The following GRM3 variants were observed in gnomAD, a reference collection of about 807,000 sequenced individuals.
GRM3 encodes metabotropic glutamate receptor 3.
Under a neutral mutation model 70.5 loss-of-function variants are expected in GRM3, and 26 were observed. That is an observed-to-expected ratio of 0.37 (90% confidence interval 0.27 to 0.51). The LOEUF (loss-of-function observed/expected upper bound fraction) is 0.51. Among genes scored for constraint, GRM3 ranks in the 20% least tolerant of loss-of-function variants. The pLI, the probability that GRM3 is intolerant of heterozygous loss-of-function variation, is 0.93. For missense variants in GRM3, 859 were observed against 1,123.8 expected (o/e 0.76, Z 3.37); for synonymous variants, 443 against 434.9 (o/e 1.02, Z -0.23).
chr7:86,712,938 T>A (rs1363385467), intron 1 of GRM3, among the ~76,000 whole-genome samples: 1 of 152,102 alleles, frequency 6.6e-6, no homozygotes, highest in Non-Finnish European at 1.5e-5. Flanking sequence ...GCAATAAACA[T>A]AAAAATGCAG....
At chr7:86,797,681 A>C (rs1420453039) in intron 3 of GRM3, among the ~76,000 whole-genome samples, 1 of 152,266 alleles carries the variant, frequency 6.6e-6, no homozygotes, top group African/African-American at 2.4e-5. Flanking sequence ...AGCTGGCTGC[A>C]TAAATCTGCA....
At chr7:86,728,160 C>G (rs968468748) in intron 1 of GRM3, among the ~76,000 whole-genome samples, 1 of 152,132 alleles carries the variant, frequency 6.6e-6, no homozygotes, top group African/African-American at 2.4e-5. Flanking sequence ...AGCTCCATGC[C>G]TGTCTCCCCC....
intron 1 of GRM3, among the ~76,000 whole-genome samples, chr7:86,761,366 A>T (rs1796476419): frequency 5.3e-5 from 8 of 152,118 alleles, no homozygotes; most frequent in Admixed American, 4.6e-4. Flanking sequence ...TGCCAGTCTC[A>T]GTTGCAATAT....
intron 2 of GRM3, among the ~76,000 whole-genome samples, chr7:86,781,791 G>C (rs935973747): frequency 6.6e-6 from 1 of 151,978 alleles, no homozygotes; most frequent in African/African-American, 2.4e-5. Context: ...TATAAATATA[G>C]AAATATAAGA....
At chr7:86,841,992 C>T (rs1383233052) in intron 4 of GRM3, among the ~76,000 whole-genome samples, 1 of 152,078 alleles carries the variant, frequency 6.6e-6, no homozygotes, top group African/African-American at 2.4e-5. Flanking sequence ...AATGCCAATC[C>T]TAAGTTTACA....
At chr7:86,788,680 G>A (rs1013652414) in intron 3 of GRM3, among the ~76,000 whole-genome samples, 1 of 152,250 alleles carries the variant, frequency 6.6e-6, no homozygotes, top group South Asian at 2.1e-4. Context: ...AGTAAAAAAA[G>A]AATATCTTTA....
chr7:86,755,428 GA>G (rs1443682192), intron 1 of GRM3, among the ~76,000 whole-genome samples: 2 of 152,120 alleles, frequency 1.3e-5, no homozygotes, highest in African/African-American at 4.8e-5. Flanking sequence ...TACTGTGCCA[GA>G]ATCTAACCCT....
intron 1 of GRM3, among the ~76,000 whole-genome samples, chr7:86,710,490 T>C (rs961295878): frequency 1.1e-4 from 17 of 148,224 alleles, no homozygotes; most frequent in African/African-American, 4.3e-4. Context: ...ATAAAATAAC[T>C]ATAGAAGACT....
chr7:86,685,048 A>G (rs963051380), intron 1 of GRM3, among the ~76,000 whole-genome samples: 1 of 152,206 alleles, frequency 6.6e-6, no homozygotes, highest in Non-Finnish European at 1.5e-5. Context: ...TTGTTTTCTT[A>G]TAGATTGAAA....
At chr7:86,745,588 T>A (rs1034795383) in intron 1 of GRM3, among the ~76,000 whole-genome samples, 2 of 152,120 alleles carry the variant, frequency 1.3e-5, no homozygotes, top group African/African-American at 4.8e-5. Context: ...TGTGAATGAC[T>A]TCCTGCAGAG....
At chr7:86,750,175 C>T (rs1011962922) in intron 1 of GRM3, among the ~76,000 whole-genome samples, 16 of 151,998 alleles carry the variant, frequency 1.1e-4, no homozygotes, top group African/African-American at 3.9e-4. Context: ...TATTGCACAC[C>T]TAATATATGC....
At chr7:86,736,119 A>G (rs1795851337) in intron 1 of GRM3, among the ~76,000 whole-genome samples, 1 of 152,208 alleles carries the variant, frequency 6.6e-6, no homozygotes, top group African/African-American at 2.4e-5. Flanking sequence ...ATGTACTAAT[A>G]TATACAGAAA....
intron 2 of GRM3, among the ~76,000 whole-genome samples, chr7:86,782,653 C>A (rs1335898603): frequency 6.6e-6 from 1 of 152,274 alleles, no homozygotes; most frequent in East Asian, 1.9e-4. Context: ...TATATGGGGA[C>A]GCCCCCAACA....
At chr7:86,764,503 C>A (rs1049905033) in intron 1 of GRM3, among the ~76,000 whole-genome samples, 1 of 151,982 alleles carries the variant, frequency 6.6e-6, no homozygotes, top group Admixed American at 6.6e-5. Flanking sequence ...GACAGAGATG[C>A]AGTGGTAGAA....
intron 1 of GRM3, among the ~76,000 whole-genome samples, chr7:86,671,680 A>T (rs914056078): frequency 2.0e-5 from 3 of 152,066 alleles, no homozygotes. Context: ...TGATTATCTC[A>T]CTTTCTGCTT....
At chr7:86,787,556 CAGAGAGAGAG>C in intron 3 of GRM3, among the ~76,000 whole-genome samples, 1 of 149,926 alleles carries the variant, frequency 6.7e-6, no homozygotes, top group East Asian at 1.9e-4. Flanking sequence ...CAGTGGGTGA[CAGAGAGAGAG>C]AGAGAGAGAG....
At chr7:86,659,936 A>G (rs1211689065) in intron 1 of GRM3, among the ~76,000 whole-genome samples, 1 of 152,060 alleles carries the variant, frequency 6.6e-6, no homozygotes, top group Non-Finnish European at 1.5e-5. Context: ...CTTTTCCCAG[A>G]AACAAAAAGT....
intron 1 of GRM3, among the ~76,000 whole-genome samples, chr7:86,718,353 T>G (rs1177349453): frequency 6.6e-6 from 1 of 152,018 alleles, no homozygotes; most frequent in Non-Finnish European, 1.5e-5. Flanking sequence ...TACTGTTTGC[T>G]TTCAGATTTA....
intron 1 of GRM3, among the ~76,000 whole-genome samples, chr7:86,713,257 T>C (rs1462450274): frequency 2.0e-5 from 3 of 152,120 alleles, no homozygotes; most frequent in Non-Finnish European, 4.4e-5. Context: ...CATATACCTG[T>C]TAGCCTTTTG....
Sources: allele counts gnomAD v4.1 joint callset (sites outside exome capture counted in the v4.1 genomes callset), GRCh38; gene constraint gnomAD v4.1.1; transcripts MANE v1.5; gene names NCBI Gene and HGNC (gene_info 2026-07-23, HGNC 2026-07-21).